Variants in ALDH1A2 observed in about 807,000 individuals in gnomAD.
The protein encoded by ALDH1A2 is retinal dehydrogenase 2.
ALDH1A2 carries 27 observed loss-of-function variants against 60.3 expected under a neutral mutation model. The observed-to-expected ratio is 0.45, with a 90% confidence interval of 0.33 to 0.62. The LOEUF (loss-of-function observed/expected upper bound fraction) is 0.62, where lower values mean the gene tolerates loss of function less well. Among genes scored for constraint, ALDH1A2 ranks in the 20% least tolerant of loss-of-function variants. ALDH1A2 has a pLI of 0.02. For synonymous variants in ALDH1A2, 289 were observed against 232.4 expected, an observed-to-expected ratio of 1.24 and a Z score of -2.21; for missense variants, 581 against 643.8, an observed-to-expected ratio of 0.90 and a Z score of 1.06.
chr15:58,060,463 C>CTTTTTTTTTTTTTT (rs35187901), intron 1 of ALDH1A2, among the ~76,000 whole-genome samples: 21 of 87,512 alleles, frequency 2.4e-4, no homozygotes, highest in South Asian at 4.2e-4. Context: ...CCACACATAT[C>CTTTTTTTTTTTTTT]TTTTTTTTTT....
intron 1 of ALDH1A2, among the ~76,000 whole-genome samples, chr15:58,032,752 C>T (rs1375280451): frequency 6.6e-6 from 1 of 151,736 alleles, no homozygotes; most frequent in East Asian, 1.9e-4. Flanking sequence ...GCACTATTCA[C>T]AATAGCAAAG....
At chr15:58,056,830 G>A (rs1422570897) in intron 1 of ALDH1A2, among the ~76,000 whole-genome samples, 1 of 152,072 alleles carries the variant, frequency 6.6e-6, no homozygotes, top group African/African-American at 2.4e-5. Flanking sequence ...AAGTAGCAAT[G>A]AGATGCCATT....
chr15:57,987,065 C>G (rs950619763), intron 7 of ALDH1A2, among the ~76,000 whole-genome samples: 2 of 151,952 alleles, frequency 1.3e-5, no homozygotes, highest in Admixed American at 6.5e-5. Flanking sequence ...TAGAACTTAA[C>G]AAAATCTCTG....
chr15:58,056,364 C>T (rs557399265), intron 1 of ALDH1A2, among the ~76,000 whole-genome samples: 1 of 152,224 alleles, frequency 6.6e-6, no homozygotes, highest in African/African-American at 2.4e-5. Context: ...ATTATTTAAA[C>T]ATCAATATTG....
intron 7 of ALDH1A2, among the ~76,000 whole-genome samples, chr15:57,992,290 C>G (rs1265929213): frequency 6.6e-6 from 1 of 152,158 alleles, no homozygotes; most frequent in Non-Finnish European, 1.5e-5. Context: ...TATATCATCT[C>G]TTAAGGTTCA....
chr15:58,039,560 G>A (rs1896462102), intron 1 of ALDH1A2, among the ~76,000 whole-genome samples: 1 of 151,774 alleles, frequency 6.6e-6, no homozygotes, highest in Non-Finnish European at 1.5e-5. Flanking sequence ...GTTTTACAAT[G>A]TAATTCAGCA....
intron 7 of ALDH1A2, among the ~76,000 whole-genome samples, chr15:57,987,801 C>T (rs746319867): frequency 7.3e-5 from 11 of 150,090 alleles, no homozygotes; most frequent in Non-Finnish European, 1.5e-4. Flanking sequence ...AGGAGAATGG[C>T]GCAAACCTGG....
At chr15:58,041,931 G>T (rs144978387) in intron 1 of ALDH1A2, among the ~76,000 whole-genome samples, 2 of 151,880 alleles carry the variant, frequency 1.3e-5, no homozygotes, top group African/African-American at 4.8e-5. Context: ...CCATATCGTA[G>T]TAAGTTATGT....
At chr15:57,975,131 T>A (rs1162612701) in intron 7 of ALDH1A2, among the ~76,000 whole-genome samples, 2 of 152,238 alleles carry the variant, frequency 1.3e-5, no homozygotes, top group Non-Finnish European at 2.9e-5. Flanking sequence ...TAAGATGGTA[T>A]AACCGATTTG....
Position 57,953,507 on chromosome 15 carries a change from A to T in ALDH1A2, c.*1690T>A, listed in dbSNP as rs1596058244. The T allele has an allele frequency of 2.0e-5, 3 of 152,730 alleles. No individual in the cohort carries two copies. The highest frequency in any genetic ancestry group is 7.2e-5 in the African/African-American group (3 of 41,440). The allele number at this position is 152,730 out of a possible 1,614,324, so 9.5% of individuals were successfully genotyped here. A position where few individuals can be genotyped will look rare whatever the true frequency, so the allele number is the denominator to read the frequency against. On this transcript the variant is annotated 3_prime_UTR_variant, in exon 13 of 13. Coordinates refer to ENST00000249750, the MANE Select transcript of ALDH1A2 (RefSeq NM_003888.4). ...AAAAGAAATAAATCTTCATTTTCAC[A>T]TTTTTTGTTGCAGTCCAAAGGTAAC...
chr15:58,045,943 G>GA (rs1183415302), intron 1 of ALDH1A2, among the ~76,000 whole-genome samples: 3 of 151,828 alleles, frequency 2.0e-5, no homozygotes, highest in Non-Finnish European at 2.9e-5. Flanking sequence ...ACATGCATTT[G>GA]AAAAAAATCT....
chr15:58,000,158 C>T (rs1420588261), intron 4 of ALDH1A2, among the ~76,000 whole-genome samples: 4 of 151,824 alleles, frequency 2.6e-5, no homozygotes, highest in South Asian at 2.1e-4. Flanking sequence ...CCATGGCACA[C>T]GTTTACCTGT....
intron 1 of ALDH1A2, among the ~76,000 whole-genome samples, chr15:58,018,929 C>A (rs1208721363): frequency 2.4e-4 from 36 of 152,016 alleles, no homozygotes; most frequent in Non-Finnish European, 5.9e-5. Flanking sequence ...ACCATGGATT[C>A]TCTGATGGGC....
At chr15:57,956,383 G>A (rs765223265) in intron 12 of ALDH1A2, among the ~76,000 whole-genome samples, 4 of 152,182 alleles carry the variant, frequency 2.6e-5, no homozygotes, top group Non-Finnish European at 4.4e-5. Context: ...GTCAGTGTAC[G>A]AGTTACTGTG....
intron 4 of ALDH1A2, among the ~76,000 whole-genome samples, chr15:57,996,475 T>G (rs772673453): frequency 6.6e-6 from 1 of 151,558 alleles, no homozygotes; most frequent in African/African-American, 2.4e-5. Context: ...CGGGATATTA[T>G]TCAGTCTTTT....
rs559771403 is a variant in ALDH1A2, at chr15:57,967,124, G to A, written c.799-1297C>T. Reference sequence around the variant, plus strand: ...TGGGACTAACGACTTCGCAGGCAGCGGAGAACCCCAGCTAGGAGAAAAGGC... The same window carrying A: ...TGGGACTAACGACTTCGCAGGCAGCAGAGAACCCCAGCTAGGAGAAAAGGC... On this transcript the variant is annotated intron_variant, in intron 7 of 12. Transcript: ENST00000249750. 4.0e-4 allele frequency among the ~76,000 whole-genome samples: 61 copies of A among 151,842 alleles called. 1 individual carries two copies. The highest frequency in any genetic ancestry group is 2.1e-3 in the South Asian group (10 of 4,804).
intron 1 of ALDH1A2, among the ~76,000 whole-genome samples, chr15:58,043,316 T>C (rs1896562620): frequency 6.6e-6 from 1 of 152,038 alleles, no homozygotes; most frequent in Non-Finnish European, 1.5e-5. Context: ...GAAGATGTCA[T>C]TTGTTATTAA....
chr15:58,060,650 T>C (rs1897011902), intron 1 of ALDH1A2, among the ~76,000 whole-genome samples: 1 of 152,128 alleles, frequency 6.6e-6, no homozygotes, highest in South Asian at 2.1e-4. Flanking sequence ...CATGCAAGTT[T>C]TTTCTAAAAT....
chr15:57,998,719 A>G (rs186651344), intron 4 of ALDH1A2, among the ~76,000 whole-genome samples: 199 of 152,166 alleles, frequency 1.3e-3, no homozygotes, highest in African/African-American at 4.6e-3. Flanking sequence ...TTTCATATGG[A>G]ACCTAAAGAG....
Sources: allele counts gnomAD v4.1 joint callset (sites outside exome capture counted in the v4.1 genomes callset), GRCh38; gene constraint gnomAD v4.1.1; transcripts MANE v1.5; gene names NCBI Gene and HGNC (gene_info 2026-07-23, HGNC 2026-07-21).